DLGAP2: variants seen among roughly 807,000 people sequenced by gnomAD.
DLGAP2 encodes disks large-associated protein 2.
In DLGAP2, 26 loss-of-function variants were observed where a neutral mutation model predicts 100.3. The observed-to-expected ratio is 0.26, with a 90% confidence interval of 0.19 to 0.36. DLGAP2 has a LOEUF of 0.36. DLGAP2 is among the 10% of genes least tolerant of loss of function. The pLI is 1.00. For missense variants in DLGAP2, 1,858 were observed against 1,453.2 expected (o/e 1.28, Z -4.53); for synonymous variants, 886 against 630.1 (o/e 1.41, Z -6.08).
At chr8:1,010,261 C>T (rs919262873) in intron 2 of DLGAP2, among the ~76,000 whole-genome samples, 1 of 150,992 alleles carries the variant, frequency 6.6e-6, no homozygotes, top group African/African-American at 2.5e-5. Flanking sequence ...TATGCGCACA[C>T]ATGCACACAC....
At chr8:1,563,590 C>G (rs1228072785) in intron 5 of DLGAP2, among the ~76,000 whole-genome samples, 3 of 151,972 alleles carry the variant, frequency 2.0e-5, no homozygotes, top group African/African-American at 7.3e-5. Flanking sequence ...GTGTTGAGGA[C>G]TCCTTGCCAC....
intron 13 of DLGAP2, among the ~76,000 whole-genome samples, chr8:1,693,720 C>G (rs1799310707): frequency 6.6e-6 from 1 of 152,176 alleles, no homozygotes; most frequent in Non-Finnish European, 1.5e-5. Context: ...CCAATCAACC[C>G]CACTGAAGTT....
chr8:892,911 C>G (rs960052638), intron 1 of DLGAP2: 2 of 152,204 alleles, frequency 1.3e-5, no homozygotes, highest in African/African-American at 4.8e-5. Flanking sequence ...GGTCCCCACC[C>G]CCAACCCACC....
intron 8 of DLGAP2, among the ~76,000 whole-genome samples, chr8:1,637,888 G>T (rs778174955): frequency 4.6e-5 from 7 of 152,214 alleles, no homozygotes; most frequent in Non-Finnish European, 1.0e-4. Flanking sequence ...CTGCAGCAGC[G>T]TCCGGGAGGC....
chr8:1,187,372 C>T (rs1285174298), intron 2 of DLGAP2, among the ~76,000 whole-genome samples: 2 of 144,720 alleles, frequency 1.4e-5, no homozygotes, highest in East Asian at 2.1e-4. Context: ...ATCTCACACG[C>T]CCGGGACCTC....
chr8:797,618 G>T (rs1237884223), intron 1 of DLGAP2, among the ~76,000 whole-genome samples: 1 of 152,180 alleles, frequency 6.6e-6, no homozygotes, highest in East Asian at 1.9e-4. Context: ...GTAACTTTTG[G>T]AGAACTTGGC....
intron 3 of DLGAP2, among the ~76,000 whole-genome samples, chr8:1,292,373 C>T (rs145913109): frequency 2.4e-4 from 36 of 152,274 alleles, no homozygotes; most frequent in African/African-American, 8.4e-4. Flanking sequence ...CACCTGGAAA[C>T]AGCTCATCCT....
chr8:1,257,568 A>T (rs1452846322), intron 2 of DLGAP2, among the ~76,000 whole-genome samples: 1 of 152,068 alleles, frequency 6.6e-6, no homozygotes, highest in African/African-American at 2.4e-5. Flanking sequence ...TTCAAGGTTC[A>T]GGCCAGATGG....
intron 4 of DLGAP2, among the ~76,000 whole-genome samples, chr8:1,518,168 G>C (rs1057284786): frequency 6.6e-6 from 1 of 152,180 alleles, no homozygotes; most frequent in Non-Finnish European, 1.5e-5. Context: ...TATGTGACTT[G>C]TCCGTACCAT....
intron 1 of DLGAP2, among the ~76,000 whole-genome samples, chr8:808,193 A>G (rs1025317945): frequency 6.6e-6 from 1 of 152,214 alleles, no homozygotes; most frequent in Admixed American, 6.5e-5. Flanking sequence ...TGATTTCAGC[A>G]TCACACAGGT....
At chr8:749,823 T>C (rs561992880) in intron 1 of DLGAP2, among the ~76,000 whole-genome samples, 89 of 152,268 alleles carry the variant, frequency 5.8e-4, no homozygotes, top group Middle Eastern at 3.4e-3. Flanking sequence ...GGAGCCAAGG[T>C]ATCCTGGGGC....
At chr8:1,262,056 A>G (rs1799361835) in intron 3 of DLGAP2, among the ~76,000 whole-genome samples, 1 of 152,170 alleles carries the variant, frequency 6.6e-6, no homozygotes, top group African/African-American at 2.4e-5. Context: ...AGTGGGAAAC[A>G]CCTATTTGCA....
At chr8:784,990 A>G (rs1306642240) in intron 1 of DLGAP2, among the ~76,000 whole-genome samples, 1 of 151,700 alleles carries the variant, frequency 6.6e-6, no homozygotes. Flanking sequence ...GGCGGATCAC[A>G]AGGTCAGGAG....
chr8:1,128,598 T>C (rs1796223843), intron 2 of DLGAP2, among the ~76,000 whole-genome samples: 1 of 152,192 alleles, frequency 6.6e-6, no homozygotes, highest in Non-Finnish European at 1.5e-5. Context: ...CGGGTTTGTA[T>C]AACACATTCT....
Position 943,421 on chromosome 8 carries a change from CCG to C in DLGAP2, c.73+35458_73+35459del, listed in dbSNP as rs1158951106. The stretch of plus-strand genomic sequence containing the variant: ...TGGCCACGTTTCATATGTGCGGCAC[CCG>C]CGTGTCTGGTGGCTGCTCTGTGGGA... On this transcript the variant is annotated intron_variant, in intron 2 of 14. Coordinates refer to ENST00000637795, the MANE Select transcript of DLGAP2 (RefSeq NM_001346810.2). Among the ~76,000 whole-genome samples, 4 of 152,386 alleles carry C rather than the reference CCG, an allele frequency of 2.6e-5. No homozygotes were observed. In the South Asian group the frequency reaches 8.3e-4, roughly 32 times the overall value.
At position 1,630,703 on chromosome 8, in the gene DLGAP2, A is replaced by G. The variant is rs1057467959; in HGVS notation, c.1591-2124A>G. ...GGCGACAGAGCGAGACTCCATCTCG[A>G]AAAAAAAAAAAAAGTTTGCCCTTCA... On this transcript the variant is annotated intron_variant, in intron 7 of 14. Transcript: ENST00000637795. 3.5e-4 allele frequency among the ~76,000 whole-genome samples: 51 copies of G among 144,664 alleles called. 1 individual carries two copies. Among genetic ancestry groups the G allele is most frequent in the African/African-American group, 1.2e-3 (47 of 39,954 alleles). The allele number at this position is 144,664 out of a possible 152,430, so 94.9% of individuals were successfully genotyped here.
chr8:1,683,988 A>ATATATATATATATATAT (rs1799045669), intron 12 of DLGAP2, among the ~76,000 whole-genome samples: 3 of 52,008 alleles, frequency 5.8e-5, no homozygotes, highest in Non-Finnish European at 8.2e-5. Context: ...ATATATATAT[A>ATATATATATATATATAT]CTTTTTTTTT....
chr8:912,857 C>T (rs1048189727), intron 2 of DLGAP2, among the ~76,000 whole-genome samples: 44 of 152,034 alleles, frequency 2.9e-4, no homozygotes, highest in African/African-American at 1.0e-3. Flanking sequence ...GACCCCCGCA[C>T]CACGGTGCCC....
chr8:1,267,603 T>TAAAATAAA (rs1250229921), intron 3 of DLGAP2, among the ~76,000 whole-genome samples: 4 of 68,442 alleles, frequency 5.8e-5, no homozygotes, highest in African/African-American at 9.1e-5. Flanking sequence ...TAAGATAAGA[T>TAAAATAAA]AAGATAAGAT....
Sources: allele counts gnomAD v4.1 joint callset (sites outside exome capture counted in the v4.1 genomes callset), GRCh38; gene constraint gnomAD v4.1.1; transcripts MANE v1.5; gene names NCBI Gene and HGNC (gene_info 2026-07-23, HGNC 2026-07-21).